CCNL1: variants seen among roughly 807,000 people sequenced by gnomAD.
The protein encoded by CCNL1 is cyclin-L1.
Under a neutral mutation model 60.6 loss-of-function variants are expected in CCNL1, and 13 were observed. The observed-to-expected ratio is 0.21, with a 90% CI of 0.14 to 0.34. The LOEUF is 0.34. Ranked by LOEUF, CCNL1 falls within the 10% of genes least tolerant of loss-of-function variation. The pLI is 1.00. For synonymous variants in CCNL1, 270 were observed against 244.3 expected (o/e 1.10, Z -0.98); for missense variants, 481 against 664.3 (o/e 0.72, Z 3.03).
downstream of CCNL1, among the ~76,000 whole-genome samples, chr3:157,146,064 A>C (rs2108103876): frequency 6.6e-6 from 1 of 152,352 alleles, no homozygotes; most frequent in East Asian, 1.9e-4. Flanking sequence ...GTGGACTGAG[A>C]CACTTGGGAA....
chr3:157,149,419 T>C (rs1738000083), intron 9 of CCNL1, 34 bp from the exon 10 acceptor site: 2 of 1,610,000 alleles, frequency 1.2e-6, no homozygotes, highest in Non-Finnish European at 1.7e-6. Flanking sequence ...GTTACAAACT[T>C]AGTGTGTTAA....
chr3:157,149,759 CT>C, intron 8 of CCNL1, 76 bp downstream of exon 8: 1 of 1,547,574 alleles, frequency 6.5e-7, no homozygotes, highest in Non-Finnish European at 8.7e-7. Context: ...CTCTATGCAA[CT>C]TTCAAATGTA....
chr3:157,154,352 G>A (rs2108126483), intron 3 of CCNL1: 1 of 152,182 alleles, frequency 6.6e-6, no homozygotes, highest in South Asian at 2.1e-4. Flanking sequence ...ATTTTATCAA[G>A]ACACTGATTA....
intron 10 of CCNL1, 105 bp from the exon 11 acceptor site, chr3:157,148,694 T>C: frequency 6.0e-6 from 6 of 999,236 alleles, no homozygotes; most frequent in Non-Finnish European, 8.7e-6. Context: ...GCTACATAAA[T>C]GACAAACCAG....
At chr3:157,146,418 G>T, downstream of CCNL1, 1 of 383,876 alleles carries the variant, frequency 2.6e-6, no homozygotes, top group Non-Finnish European at 5.1e-6. Flanking sequence ...TCCACATGCA[G>T]GTGTATCCTC....
intron 1 of CCNL1, 76 bp downstream of exon 1, chr3:157,159,716 G>C (rs939994309): frequency 7.6e-6 from 10 of 1,311,746 alleles, no homozygotes; most frequent in East Asian, 5.1e-5. Flanking sequence ...CCCGGGGCAC[G>C]GTGATACTGA....
At chr3:157,146,887 T>C (rs1189784023), downstream of CCNL1, among the ~76,000 whole-genome samples, 1 of 152,224 alleles carries the variant, frequency 6.6e-6, no homozygotes, top group Non-Finnish European at 1.5e-5. Flanking sequence ...TTAGTCTTTA[T>C]AGTTAGAACT....
At chr3:157,152,054 A>T in intron 5 of CCNL1, 123 bp downstream of exon 5, 1 of 1,496,028 alleles carries the variant, frequency 6.7e-7, no homozygotes, top group Non-Finnish European at 8.9e-7. Context: ...AAAAAACAAA[A>T]CAAAAAAACA....
At chr3:157,155,045 CCAACTT>C (rs986315380) in intron 3 of CCNL1, among the ~76,000 whole-genome samples, 1 of 151,970 alleles carries the variant, frequency 6.6e-6, no homozygotes, top group African/African-American at 2.4e-5. Context: ...AAAAGTAAAA[CCAACTT>C]CAGACTCTTT....
intron 5 of CCNL1, 172 bp from the exon 6 acceptor site, chr3:157,150,553 G>T (rs766764857): frequency 7.3e-7 from 1 of 1,369,320 alleles, no homozygotes; most frequent in Non-Finnish European, 9.5e-7. Flanking sequence ...TAAGCAATAA[G>T]AATTTAATAC....
downstream of CCNL1, among the ~76,000 whole-genome samples, chr3:157,147,193 C>T (rs1243989783): frequency 6.6e-6 from 1 of 152,056 alleles, no homozygotes; most frequent in East Asian, 1.9e-4. Context: ...TAATGGAGAC[C>T]TTAGTGTAAT....
Position 157,158,774 on chromosome 3 carries a change from T to C in CCNL1, c.488+92A>G, listed in dbSNP as rs1027093182. ...TAAAGTCCGTTTTCTTTTGCATCCG[T>C]ATTCACTTGAAAGGAAAGATGTTTT... On this transcript the variant is annotated intron_variant, in intron 3 of 10. Transcript: ENST00000295926. The C allele has an allele frequency of 5.7e-5, 44 of 765,758 alleles. 2 individuals are homozygous for C. The South Asian group carries it at 6.3e-4, about 11-fold the overall frequency. 47.4% of individuals were successfully genotyped at this position (765,758 alleles called of 1,614,324 possible).
chr3:157,144,877 T>A (rs9848409), downstream of CCNL1, among the ~76,000 whole-genome samples: 62,530 of 152,170 alleles, frequency 0.41, 13,272 homozygotes, highest in East Asian at 0.58. Flanking sequence ...ATTGTTATGA[T>A]ATTATTTTTG....
At chr3:157,159,604 C>A in intron 1 of CCNL1, 125 bp from the exon 2 acceptor site, 1 of 1,046,688 alleles carries the variant, frequency 9.6e-7, no homozygotes, top group Admixed American at 2.3e-5. Flanking sequence ...GCGAACAGCC[C>A]GCTGCCAAGT....
chr3:157,153,084 C>T lies in CCNL1; in HGVS notation c.561G>A (p.Arg187=). 3 of 1,613,574 alleles carry T rather than the reference C, an allele frequency of 1.9e-6. No homozygotes were observed. Among genetic ancestry groups the T allele is most frequent in the Non-Finnish European group, 2.5e-6 (3 of 1,179,678 alleles). Residue 187 remains arginine (R), a synonymous_variant, in exon 4 of 11, where the codon AGG becomes AGA. Coordinates refer to ENST00000295926, the MANE Select transcript of CCNL1 (RefSeq NM_020307.4). ...TKNQVIKAER[R]VLKELGFCVH... ...CACAAAATCCCAACTCCTTTAGCAC[C>T]CTCCTCTCTGCTTTGATAACTTGAT... is the stretch of plus-strand genomic sequence containing the variant.
intron 5 of CCNL1, chr3:157,151,496 G>A (rs2108118550): frequency 2.0e-6 from 2 of 985,820 alleles, no homozygotes; most frequent in South Asian, 9.4e-5. Context: ...CCGCAATACA[G>A]CCAAGCAGTT....
rs370065368 is a variant in CCNL1, at chr3:157,149,610, T to C, written c.1022-14A>G. On this transcript the variant is annotated splice_polypyrimidine_tract_variant and intron_variant, in intron 8 of 10. Coordinates refer to ENST00000295926, the MANE Select transcript of CCNL1 (RefSeq NM_020307.4). ...CTCTTGGTGATGCTTTTAAAAGATA[T>C]AATAACAACATGTTAACTACTGGAT... 9 of 1,604,494 alleles carry C rather than the reference T, an allele frequency of 5.6e-6. No individual in the cohort carries two copies. The highest frequency in any genetic ancestry group is 2.2e-5 in the East Asian group (1 of 44,832).
intron 4 of CCNL1, 27 bp downstream of exon 4, chr3:157,153,009 A>T: frequency 6.2e-7 from 1 of 1,609,624 alleles, no homozygotes; most frequent in Non-Finnish European, 8.5e-7. Flanking sequence ...ATACTTACGA[A>T]CCCAATTTCT....
intron 3 of CCNL1, among the ~76,000 whole-genome samples, chr3:157,156,203 C>A (rs1738610695): frequency 6.6e-6 from 1 of 152,174 alleles, no homozygotes; most frequent in Admixed American, 6.5e-5. Flanking sequence ...TACTGCCAAG[C>A]AATATACAAA....
Sources: gnomAD v4.1 joint callset for allele counts (sites outside exome capture counted in the v4.1 genomes callset) on GRCh38, gnomAD v4.1.1 for gene constraint, MANE v1.5 for transcripts, NCBI Gene and HGNC (gene_info 2026-07-23, HGNC 2026-07-21) for gene names.